PDZRN3: variants seen among roughly 807,000 people sequenced by gnomAD.
PDZRN3 encodes the protein PDZ domain containing ring finger 3.
In PDZRN3, 38 loss-of-function variants were observed where a neutral mutation model predicts 85.7. That is an observed-to-expected ratio of 0.44 (90% CI 0.34 to 0.58). The LOEUF is 0.58. Ranked by LOEUF, PDZRN3 falls within the 20% of genes least tolerant of loss-of-function variation. The probability of loss-of-function intolerance (pLI) is 0.01; values close to 1 mark genes in which losing one functional copy is unlikely to be tolerated. For missense variants in PDZRN3, 1,629 were observed against 1,506.4 expected, an observed-to-expected ratio of 1.08 and a Z score of -1.35; for synonymous variants, 759 against 638.0, an observed-to-expected ratio of 1.19 and a Z score of -2.86.
At position 73,477,515 on chromosome 3, in the gene PDZRN3, G is replaced by A. The variant is rs184427434; in HGVS notation, c.919-73120C>T. Among the ~76,000 whole-genome samples the A allele has an allele frequency of 1.4e-4, 21 of 152,196 alleles. No homozygotes were observed. The East Asian group carries it at 3.9e-3, about 28-fold the overall frequency. On this transcript the variant is annotated intron_variant, in intron 3 of 9. Transcript: ENST00000263666. ...TTAAAATTAAAGTCTGCTTGGTGAG[G>A]GCTGCTGAGCCAACAGTATTCCCTA...
At chr3:73,588,106 C>A (rs960598653) in intron 3 of PDZRN3, among the ~76,000 whole-genome samples, 1 of 152,120 alleles carries the variant, frequency 6.6e-6, no homozygotes, top group Admixed American at 6.5e-5. Context: ...CCTCAACAGG[C>A]CCTGGTGTGT....
chr3:73,506,021 C>T (rs1002983144), intron 3 of PDZRN3, among the ~76,000 whole-genome samples: 1 of 151,972 alleles, frequency 6.6e-6, no homozygotes, highest in Non-Finnish European at 1.5e-5. Flanking sequence ...CAGGTACGGG[C>T]AGGTAGAGAG....
chr3:73,612,669 T>A (rs1050014681), intron 1 of PDZRN3, among the ~76,000 whole-genome samples: 2 of 152,212 alleles, frequency 1.3e-5, no homozygotes, highest in Admixed American at 6.5e-5. Flanking sequence ...TTGGGCATTG[T>A]CTTAATTGTC....
At chr3:73,425,307 C>T (rs10049192) in intron 3 of PDZRN3, among the ~76,000 whole-genome samples, 8,819 of 152,044 alleles carry the variant, frequency 0.058, 305 homozygotes, top group Middle Eastern at 0.099. Context: ...CGTGAGCCAC[C>T]GCGCCCAGCC....
chr3:73,526,898 G>C (rs1439034250), intron 3 of PDZRN3, among the ~76,000 whole-genome samples: 1 of 152,050 alleles, frequency 6.6e-6, no homozygotes, highest in African/African-American at 2.4e-5. Flanking sequence ...GCCCAGGGTG[G>C]AGTGCAATGG....
intron 3 of PDZRN3, among the ~76,000 whole-genome samples, chr3:73,490,624 G>A (rs1379854167): frequency 1.3e-5 from 2 of 152,170 alleles, no homozygotes; most frequent in South Asian, 4.1e-4. Flanking sequence ...ACAAAAATGG[G>A]GGGTATGGGC....
intron 3 of PDZRN3, among the ~76,000 whole-genome samples, chr3:73,565,786 A>AAT (rs1701934517): frequency 2.6e-5 from 1 of 37,914 alleles, no homozygotes; most frequent in African/African-American, 4.7e-5. Flanking sequence ...AAAAATACAA[A>AAT]ACACACACAC....
At chr3:73,511,895 T>C (rs1367509814) in intron 3 of PDZRN3, among the ~76,000 whole-genome samples, 1 of 152,222 alleles carries the variant, frequency 6.6e-6, no homozygotes, top group Non-Finnish European at 1.5e-5. Flanking sequence ...AATATTTCCA[T>C]TTCACAGAAA....
chr3:73,532,715 G>A (rs1405612113), intron 3 of PDZRN3, among the ~76,000 whole-genome samples: 1 of 152,196 alleles, frequency 6.6e-6, no homozygotes, highest in African/African-American at 2.4e-5. Context: ...GAACAAAGAT[G>A]ACCTCGCAGA....
intron 3 of PDZRN3, among the ~76,000 whole-genome samples, chr3:73,539,979 G>C (rs778884394): frequency 1.2e-4 from 18 of 149,332 alleles, no homozygotes; most frequent in Admixed American, 4.1e-4. Context: ...CACGGATGAA[G>C]ATTCATGGCT....
chr3:73,487,779 A>C (rs1254170978), intron 3 of PDZRN3, among the ~76,000 whole-genome samples: 1 of 152,056 alleles, frequency 6.6e-6, no homozygotes, highest in Admixed American at 6.6e-5. Context: ...CATTTTTGAA[A>C]CCCATCTGAC....
intron 3 of PDZRN3, among the ~76,000 whole-genome samples, chr3:73,558,720 T>A (rs1205158330): frequency 6.6e-6 from 1 of 152,232 alleles, no homozygotes; most frequent in African/African-American, 2.4e-5. Context: ...CTCTATTCCT[T>A]GCAAATGCAA....
At chr3:73,438,027 G>A (rs1213092882) in intron 3 of PDZRN3, among the ~76,000 whole-genome samples, 1 of 152,204 alleles carries the variant, frequency 6.6e-6, no homozygotes, top group Non-Finnish European at 1.5e-5. Context: ...TGATGAAGAT[G>A]CTTAACGTCT....
intron 3 of PDZRN3, among the ~76,000 whole-genome samples, chr3:73,523,177 T>A (rs953148622): frequency 1.3e-5 from 2 of 152,044 alleles, no homozygotes; most frequent in African/African-American, 4.8e-5. Context: ...CAGGCATGCA[T>A]CACCATGCCC....
chr3:73,535,601 G>A (rs1704764608), intron 3 of PDZRN3, among the ~76,000 whole-genome samples: 1 of 152,192 alleles, frequency 6.6e-6, no homozygotes, highest in Non-Finnish European at 1.5e-5. Context: ...GCCTTTTTGG[G>A]GAGAGAATAT....
At chr3:73,442,834 C>G (rs2106824754) in intron 3 of PDZRN3, among the ~76,000 whole-genome samples, 1 of 152,218 alleles carries the variant, frequency 6.6e-6, no homozygotes, top group East Asian at 1.9e-4. Flanking sequence ...CATGCCACAG[C>G]TCCTCCCAGG....
At chr3:73,440,904 G>C (rs536436496) in intron 3 of PDZRN3, among the ~76,000 whole-genome samples, 3 of 152,312 alleles carry the variant, frequency 2.0e-5, no homozygotes, top group East Asian at 1.9e-4. Context: ...CCTGAAAAGA[G>C]AGAAAGCCTT....
intron 3 of PDZRN3, among the ~76,000 whole-genome samples, chr3:73,531,341 T>A (rs1055959745): frequency 6.7e-6 from 1 of 150,216 alleles, no homozygotes; most frequent in Admixed American, 6.6e-5. Context: ...ATCAAATGAA[T>A]CCTGCCTTTC....
chr3:73,615,691 C>T (rs989580539), intron 1 of PDZRN3, among the ~76,000 whole-genome samples: 12 of 152,106 alleles, frequency 7.9e-5, no homozygotes, highest in African/African-American at 2.2e-4. Context: ...TCCAAAATTA[C>T]GAGAAATAAA....
Sources: gnomAD v4.1 joint callset for allele counts (sites outside exome capture counted in the v4.1 genomes callset) on GRCh38, gnomAD v4.1.1 for gene constraint, MANE v1.5 for transcripts, NCBI Gene and HGNC (gene_info 2026-07-23, HGNC 2026-07-21) for gene names.